The following IQCE variants were observed in gnomAD, a reference collection of about 807,000 sequenced individuals.
IQCE encodes the protein IQ motif containing E.
Under a neutral mutation model 96.0 loss-of-function variants are expected in IQCE, and 115 were observed. That is an observed-to-expected ratio of 1.20 (90% CI 1.03 to 1.40). IQCE has a LOEUF of 1.40. Ranked by LOEUF, IQCE falls within the 40% of genes most tolerant of loss-of-function variation. IQCE has a pLI of 0.00. For missense variants in IQCE, 1,041 were observed against 909.1 expected, an observed-to-expected ratio of 1.15 and a Z score of -1.87; for synonymous variants, 412 against 371.2, an observed-to-expected ratio of 1.11 and a Z score of -1.26.
At chr7:2,599,625 T>C (rs1200478361) in intron 17 of IQCE, among the ~76,000 whole-genome samples, 3 of 151,708 alleles carry the variant, frequency 2.0e-5, no homozygotes, top group Non-Finnish European at 4.4e-5. Flanking sequence ...GCCTCCCAAG[T>C]AGTTGGGACT....
chr7:2,567,760 C>T (rs1043075286), intron 2 of IQCE, among the ~76,000 whole-genome samples: 1 of 152,242 alleles, frequency 6.6e-6, no homozygotes, highest in Admixed American at 6.5e-5. Context: ...GCCAGCAGAA[C>T]GAACCCGGCA....
intron 6 of IQCE, among the ~76,000 whole-genome samples, chr7:2,577,272 G>A (rs1401523726): frequency 3.3e-5 from 5 of 152,198 alleles, no homozygotes; most frequent in Admixed American, 6.5e-5. Flanking sequence ...ACGTGTGTGC[G>A]GTGTGTGCGC....
At chr7:2,570,463 G>A (rs1781681977) in intron 3 of IQCE, among the ~76,000 whole-genome samples, 1 of 151,706 alleles carries the variant, frequency 6.6e-6, no homozygotes, top group African/African-American at 2.4e-5. Context: ...CTATCTGGGA[G>A]GCCAGGTTCT....
intron 1 of IQCE, chr7:2,566,563 GA>G (rs1199840226): frequency 1.3e-5 from 2 of 151,656 alleles, no homozygotes; most frequent in African/African-American, 4.9e-5. Context: ...AGGCTCAAGC[GA>G]TCCTCCCACC....
chr7:2,579,322 G>T (rs954551111), intron 8 of IQCE, among the ~76,000 whole-genome samples: 1 of 152,062 alleles, frequency 6.6e-6, no homozygotes, highest in African/African-American at 2.4e-5. Context: ...TGAACGCAAA[G>T]AATAAAATAA....
intron 18 of IQCE, 45 bp from the exon 19 acceptor site, chr7:2,604,836 G>T: frequency 6.8e-7 from 1 of 1,464,354 alleles, no homozygotes. Flanking sequence ...CCGTTGCCCC[G>T]GGCACTCACA....
At chr7:2,563,267 G>A (rs183885723) in intron 1 of IQCE, among the ~76,000 whole-genome samples, 6 of 152,212 alleles carry the variant, frequency 3.9e-5, no homozygotes, top group African/African-American at 1.4e-4. Context: ...TGCGATCATG[G>A]CTCACTGCAG....
At chr7:2,609,923 T>A (rs1399754007) in intron 21 of IQCE, 121 bp from the exon 22 acceptor site, 2 of 658,630 alleles carry the variant, frequency 3.0e-6, no homozygotes, top group Non-Finnish European at 2.7e-6. Context: ...CATGGCTTAC[T>A]GCTTCTCGGG....
In IQCE at chr7:2,567,163, G is replaced by A. The variant is rs184025194; in HGVS notation, c.84G>A (p.Thr28=). The A allele has an allele frequency of 8.3e-5, 134 of 1,613,256 alleles. No individual in the cohort carries two copies. The Admixed American group carries it at 1.5e-3, about 18-fold the overall frequency. ...TCACCTTTGACTCTGATGTGGAGAC[G>A]GTGAGTGCCGCTGGGTGTCAGCCGT... ...SAVTFDSDVE[T]KAKRKAFHKP... is the part of the protein sequence containing the mutation. The change falls in exon 2 of 22, where the codon ACG becomes ACA. Residue 28 remains threonine, a splice_region_variant and synonymous_variant. Transcript: ENST00000402050.
In IQCE at chr7:2,586,232, C is replaced by T. The variant is rs199981463; in HGVS notation, c.849C>T (p.Gly283=). The stretch of plus-strand genomic sequence containing the variant: ...GGCCCCTGGGGGAGAAGAAGACGGG[C>T]GCCAAAAGGCAGAAGAAGATGGGCA... The part of the protein sequence containing the change: ...GKKPLGEKKT[G]AKRQKKMGSA... The change falls in exon 12 of 22, where the codon GGC becomes GGT. Residue 283 remains glycine (G), a synonymous_variant. Coordinates refer to ENST00000402050, the MANE Select transcript of IQCE (RefSeq NM_152558.5). 1.8e-4 allele frequency: 287 copies of T among 1,613,624 alleles called. No homozygotes were observed. Among genetic ancestry groups the T allele is most frequent in the East Asian group, 6.5e-4 (29 of 44,874 alleles).
intron 7 of IQCE, 53 bp downstream of exon 7, chr7:2,578,408 A>G (rs1312793412): frequency 1.2e-6 from 2 of 1,608,738 alleles, no homozygotes; most frequent in Non-Finnish European, 1.7e-6. Flanking sequence ...TCGGGGCAGC[A>G]TCTGCCAGCC....
chr7:2,560,748 G>T (rs1583369978), intron 1 of IQCE, among the ~76,000 whole-genome samples: 2 of 152,028 alleles, frequency 1.3e-5, no homozygotes, highest in South Asian at 2.1e-4. Context: ...ATGAGGTCAG[G>T]AGATCGAGAC....
intron 4 of IQCE, 143 bp downstream of exon 4, chr7:2,571,797 A>G: frequency 1.0e-6 from 1 of 978,900 alleles, no homozygotes; most frequent in Non-Finnish European, 1.5e-6. Context: ...AAATATACAC[A>G]TCGTAGTTTT....
At chr7:2,591,472 T>C (rs1393059892) in intron 14 of IQCE, among the ~76,000 whole-genome samples, 1 of 152,096 alleles carries the variant, frequency 6.6e-6, no homozygotes, top group African/African-American at 2.4e-5. Context: ...CTCTCTAGTT[T>C]GCAAGAACTA....
intron 18 of IQCE, among the ~76,000 whole-genome samples, chr7:2,602,828 G>A (rs1351082204): frequency 6.6e-6 from 1 of 152,248 alleles, no homozygotes; most frequent in Non-Finnish European, 1.5e-5. Context: ...GGTCGCGGGT[G>A]TGGGCGGCAC....
At chr7:2,606,053 C>G (rs985653270) in intron 20 of IQCE, 56 bp downstream of exon 20, 1 of 1,549,432 alleles carries the variant, frequency 6.5e-7, no homozygotes, top group Non-Finnish European at 8.7e-7. Flanking sequence ...GGCTGCCCAC[C>G]GCACTGGGCC....
At chr7:2,559,856 AGGCCCATATGGCCGG>A (rs1780805832) in intron 1 of IQCE, among the ~76,000 whole-genome samples, 1 of 149,852 alleles carries the variant, frequency 6.7e-6, no homozygotes, top group Admixed American at 6.7e-5. Context: ...AAAATGAAAC[AGGCCCATATGGCCGG>A]GAGCCGTGGC....
At position 2,613,858 on chromosome 7, in the gene IQCE, G is replaced by A. The variant is rs1407939238; in HGVS notation, c.*3696G>A. 1 of 152,256 alleles carries A rather than the reference G, an allele frequency of 6.6e-6. No individual in the cohort carries two copies. The highest frequency in any genetic ancestry group is 2.1e-4 in the South Asian group (1 of 4,830). 9.4% of individuals were successfully genotyped at this position (152,256 alleles called of 1,614,324 possible). ...GCCAGAGAAGACCACCAAGACCACC[G>A]TTCCCGCAGGCCTGGGGTGAGTGAC... On this transcript the variant is annotated 3_prime_UTR_variant, in exon 22 of 22. Transcript: ENST00000402050.
At chr7:2,566,478 C>A (rs1386929133) in intron 1 of IQCE, 1 of 141,804 alleles carries the variant, frequency 7.1e-6, no homozygotes, top group Non-Finnish European at 1.5e-5. Flanking sequence ...TTTTTTTTCC[C>A]AGCTGGGGTC....
Sources: allele counts gnomAD v4.1 joint callset (sites outside exome capture counted in the v4.1 genomes callset), GRCh38; gene constraint gnomAD v4.1.1; transcripts MANE v1.5; gene names NCBI Gene and HGNC (gene_info 2026-07-23, HGNC 2026-07-21).